RIN2: variants seen among roughly 807,000 people sequenced by gnomAD.
RIN2 encodes RAB5 interacting protein 2.
Under a neutral mutation model 78.0 loss-of-function variants are expected in RIN2, and 36 were observed. The observed-to-expected ratio is 0.46, with a 90% CI of 0.35 to 0.61. The LOEUF (loss-of-function observed/expected upper bound fraction) is 0.61, where lower values mean the gene tolerates loss of function less well. Ranked by LOEUF, RIN2 falls within the 20% of genes least tolerant of loss-of-function variation. The probability of loss-of-function intolerance (pLI) is 0.00; values close to 1 mark genes in which losing one functional copy is unlikely to be tolerated. For synonymous variants in RIN2, 466 were observed against 466.8 expected, an observed-to-expected ratio of 1.00 and a Z score of 0.02; for missense variants, 1,087 against 1,159.7, an observed-to-expected ratio of 0.94 and a Z score of 0.91.
chr20:19,990,260 C>T lies in RIN2; in HGVS notation c.2017C>T (p.Leu673=), dbSNP rs767099425. 2 of 1,612,926 alleles carry T rather than the reference C, an allele frequency of 1.2e-6. No individual in the cohort carries two copies. Among genetic ancestry groups the T allele is most frequent in the Admixed American group, 3.3e-5 (2 of 59,968 alleles). Residue 673 remains leucine, a synonymous_variant, in exon 10 of 13, where the codon CTG becomes TTG. Coordinates refer to ENST00000255006, the MANE Select transcript of RIN2 (RefSeq NM_018993.4). ...GTATTCGCCGGAAAAGAAGGTCATG[C>T]TGCTGCTGCGGGTCTGCAAGCTCAT... ...KMYSPEKKVM[L]LLRVCKLIYT...
chr20:19,931,650 T>C (rs1345882162), intron 3 of RIN2, among the ~76,000 whole-genome samples: 1 of 151,924 alleles, frequency 6.6e-6, no homozygotes, highest in Non-Finnish European at 1.5e-5. Flanking sequence ...TTTCCTTGTG[T>C]TGGGAACGTT....
At chr20:19,848,534 C>CAAAAAAAAAAAAAAAAAAAAAA (rs11352724) in intron 2 of RIN2, among the ~76,000 whole-genome samples, 4 of 52,838 alleles carry the variant, frequency 7.6e-5, no homozygotes, top group African/African-American at 1.1e-4. Context: ...GACTCCATCT[C>CAAAAAAAAAAAAAAAAAAAAAA]AAAAAAAAAA....
intron 2 of RIN2, among the ~76,000 whole-genome samples, chr20:19,826,785 G>A (rs991962280): frequency 2.6e-5 from 4 of 152,082 alleles, no homozygotes; most frequent in Non-Finnish European, 4.4e-5. Flanking sequence ...ATCAACTGTG[G>A]CTCCTGTGTG....
intron 3 of RIN2, among the ~76,000 whole-genome samples, chr20:19,920,960 G>A (rs563270407): frequency 9.2e-5 from 14 of 151,964 alleles, no homozygotes; most frequent in Middle Eastern, 3.4e-3. Context: ...GGCGTGAGCC[G>A]CCATGCCCAG....
intron 3 of RIN2, among the ~76,000 whole-genome samples, chr20:19,925,536 T>C (rs574882333): frequency 1.1e-4 from 16 of 152,142 alleles, no homozygotes; most frequent in Admixed American, 6.5e-4. Context: ...TATCAGACAA[T>C]GGATTCATAT....
At chr20:19,898,108 G>A (rs6112637) in intron 3 of RIN2, among the ~76,000 whole-genome samples, 3 of 152,154 alleles carry the variant, frequency 2.0e-5, no homozygotes, top group African/African-American at 7.2e-5. Context: ...TGACTTTCTA[G>A]GAATGCTATG....
intron 3 of RIN2, among the ~76,000 whole-genome samples, chr20:19,915,730 C>T (rs1169825914): frequency 6.6e-6 from 1 of 152,212 alleles, no homozygotes; most frequent in African/African-American, 2.4e-5. Context: ...TGCTTATAAT[C>T]CAAATTCCCT....
chr20:19,862,940 G>A (rs531959292), intron 2 of RIN2, among the ~76,000 whole-genome samples: 18 of 152,282 alleles, frequency 1.2e-4, no homozygotes, highest in African/African-American at 3.8e-4. Flanking sequence ...GCCCTCCAGC[G>A]TGGAGCCAGC....
intron 3 of RIN2, among the ~76,000 whole-genome samples, chr20:19,924,005 C>T (rs1239869317): frequency 2.2e-5 from 3 of 139,496 alleles, no homozygotes; most frequent in African/African-American, 8.0e-5. Flanking sequence ...CCTTTATACC[C>T]CCACCTTCGT....
chr20:19,960,896 G>C (rs1272889004), intron 6 of RIN2, 85 bp downstream of exon 6: 4 of 779,504 alleles, frequency 5.1e-6, no homozygotes, highest in African/African-American at 1.8e-5. Flanking sequence ...CTCTGGTTAT[G>C]AGATGGGCAG....
intron 2 of RIN2, among the ~76,000 whole-genome samples, chr20:19,839,236 C>T (rs1054249049): frequency 5.3e-5 from 8 of 152,142 alleles, no homozygotes; most frequent in African/African-American, 1.4e-4. Flanking sequence ...TTTGTTGGTA[C>T]GCAATTGCAT....
intron 2 of RIN2, among the ~76,000 whole-genome samples, chr20:19,832,536 A>G (rs1042310824): frequency 2.0e-5 from 3 of 149,762 alleles, no homozygotes; most frequent in African/African-American, 7.4e-5. Flanking sequence ...ATGTGCTCCC[A>G]CCCTCCGGGC....
intron 4 of RIN2, among the ~76,000 whole-genome samples, chr20:19,952,567 C>CAGGAA (rs746468331): frequency 4.5e-4 from 69 of 152,242 alleles, no homozygotes; most frequent in Non-Finnish European, 8.5e-4. Context: ...TATTCACCAT[C>CAGGAA]TTCCTGTCTG....
intron 2 of RIN2, among the ~76,000 whole-genome samples, chr20:19,851,069 G>A (rs989635524): frequency 1.3e-5 from 2 of 151,124 alleles, no homozygotes; most frequent in African/African-American, 4.9e-5. Context: ...AGGAAGGAAG[G>A]AAGGAAGGAA....
intron 1 of RIN2, among the ~76,000 whole-genome samples, chr20:19,789,303 CAATT>C (rs995141881): frequency 2.6e-5 from 4 of 152,164 alleles, no homozygotes; most frequent in Non-Finnish European, 4.4e-5. Flanking sequence ...AAAACTAAAA[CAATT>C]AACCTTCTAG....
chr20:19,829,801 G>C (rs953652684), intron 2 of RIN2, among the ~76,000 whole-genome samples: 5 of 152,152 alleles, frequency 3.3e-5, no homozygotes, highest in African/African-American at 1.2e-4. Flanking sequence ...TGAATTGGGA[G>C]ACCCCCTCAG....
At chr20:19,960,555 T>A (rs755629934) in intron 5 of RIN2, 145 bp from the exon 6 acceptor site, 8 of 665,572 alleles carry the variant, frequency 1.2e-5, no homozygotes, top group African/African-American at 1.8e-5. Flanking sequence ...TGAGCACCCC[T>A]TTCTATGGCA....
intron 1 of RIN2, among the ~76,000 whole-genome samples, chr20:19,789,783 T>C (rs1488525991): frequency 1.3e-5 from 2 of 152,204 alleles, no homozygotes; most frequent in Non-Finnish European, 2.9e-5. Context: ...ATATTTTTGA[T>C]GAGGAGAAAA....
intron 1 of RIN2, among the ~76,000 whole-genome samples, chr20:19,758,764 T>A (rs1312525429): frequency 1.3e-5 from 2 of 152,152 alleles, no homozygotes; most frequent in Non-Finnish European, 2.9e-5. Context: ...CTGTGGGGTG[T>A]CAAGTGCTCC....
Sources: allele counts gnomAD v4.1 joint callset (sites outside exome capture counted in the v4.1 genomes callset), GRCh38; gene constraint gnomAD v4.1.1; transcripts MANE v1.5; gene names NCBI Gene and HGNC (gene_info 2026-07-23, HGNC 2026-07-21).